Variants in ARL14EPL observed in about 807,000 individuals in gnomAD.
ARL14EPL encodes ARF like GTPase 14 effector protein like.
Under a neutral mutation model 15.9 loss-of-function variants are expected in ARL14EPL, and 17 were observed. That is an observed-to-expected ratio of 1.07 (90% CI 0.73 to 1.60). The LOEUF is 1.60. ARL14EPL is among the 40% of genes most tolerant of loss of function. The pLI, the probability that ARL14EPL is intolerant of heterozygous loss-of-function variation, is 0.00. For synonymous variants in ARL14EPL, 78 were observed against 63.8 expected, an observed-to-expected ratio of 1.22 and a Z score of -1.06; for missense variants, 214 against 185.9, an observed-to-expected ratio of 1.15 and a Z score of -0.88.
rs76513063 is a variant in ARL14EPL at position 116,058,950 on chromosome 5, G to C, written c.*3G>C. The C allele has an allele frequency of 1.5e-3, 2,366 of 1,535,582 alleles. 41 individuals carry two copies. In the African/African-American group the frequency reaches 0.028, roughly 18 times the overall value. ...TGCCGTTTAATGTTCCTGACTAGGT[G>C]CTCTTGTATATGGACTGATTTGTTT... On this transcript the variant is annotated 3_prime_UTR_variant, in exon 4 of 4. Transcript: ENST00000686077.
At chr5:116,034,394 CTT>C (rs1749011709) in intron 1 of ARL14EPL, among the ~76,000 whole-genome samples, 1 of 152,136 alleles carries the variant, frequency 6.6e-6, no homozygotes, top group Non-Finnish European at 1.5e-5. Flanking sequence ...TTTCTGATCA[CTT>C]AGCACTAGAG....
intron 1 of ARL14EPL, among the ~76,000 whole-genome samples, chr5:116,034,792 TTTTG>T (rs1308395332): frequency 1.3e-5 from 2 of 152,214 alleles, no homozygotes; most frequent in Non-Finnish European, 2.9e-5. Context: ...ACCAGACTAA[TTTTG>T]TTTGTTTGTT....
chr5:116,047,324 C>T (rs190221789), intron 1 of ARL14EPL, among the ~76,000 whole-genome samples: 150 of 152,284 alleles, frequency 9.9e-4, no homozygotes, highest in African/African-American at 3.5e-3. Flanking sequence ...TTTCCTATTC[C>T]TTCCCCAGGC....
chr5:116,052,128 T>C (rs1196647899), intron 2 of ARL14EPL: 2 of 1,612,470 alleles, frequency 1.2e-6, no homozygotes, highest in Admixed American at 3.3e-5. Flanking sequence ...TTGTCATAGG[T>C]AGCTTTGTCA....
At chr5:116,046,367 C>T (rs562155028) in intron 1 of ARL14EPL, among the ~76,000 whole-genome samples, 1 of 152,246 alleles carries the variant, frequency 6.6e-6, no homozygotes, top group African/African-American at 2.4e-5. Flanking sequence ...TCACTCTACC[C>T]CATGCAAGAC....
chr5:116,051,796 G>A, intron 2 of ARL14EPL: 1 of 784,048 alleles, frequency 1.3e-6, no homozygotes, highest in Non-Finnish European at 2.0e-6. Flanking sequence ...CCAGTGTTCT[G>A]TACAATAAAA....
intron 2 of ARL14EPL, among the ~76,000 whole-genome samples, chr5:116,052,778 A>G (rs531859386): frequency 7.9e-5 from 12 of 152,362 alleles, no homozygotes; most frequent in African/African-American, 2.6e-4. Flanking sequence ...AGAAAAGTCC[A>G]TGACATTCTG....
chr5:116,055,902 G>C (rs1413210715), intron 3 of ARL14EPL, among the ~76,000 whole-genome samples: 1 of 152,084 alleles, frequency 6.6e-6, no homozygotes, highest in East Asian at 1.9e-4. Context: ...GCGGTGTTTG[G>C]TTTTTAGTCC....
intron 3 of ARL14EPL, 71 bp downstream of exon 3, chr5:116,054,224 GAA>G (rs2112680468): frequency 7.3e-7 from 1 of 1,370,218 alleles, no homozygotes; most frequent in Non-Finnish European, 9.6e-7. Flanking sequence ...ACAAAGCAAT[GAA>G]AGATTCCCTC....
intron 1 of ARL14EPL, among the ~76,000 whole-genome samples, chr5:116,035,364 A>G (rs1487918213): frequency 6.6e-6 from 1 of 152,208 alleles, no homozygotes. Flanking sequence ...TCGTGGGGGT[A>G]CTGGGAGTCA....
At chr5:116,052,110 T>G (rs1293950304) in intron 2 of ARL14EPL, 1 of 1,612,958 alleles carries the variant, frequency 6.2e-7, no homozygotes, top group Non-Finnish European at 8.5e-7. Flanking sequence ...GGAACTTCCT[T>G]ACAGAGTTTG....
At chr5:116,033,205 C>T (rs186784772) in intron 1 of ARL14EPL, among the ~76,000 whole-genome samples, 277 of 152,252 alleles carry the variant, frequency 1.8e-3, no homozygotes, top group African/African-American at 6.2e-3. Flanking sequence ...CCCGACTTAC[C>T]GTGGTTTGAG....
At chr5:116,050,531 C>T (rs897621204) in intron 1 of ARL14EPL, among the ~76,000 whole-genome samples, 1 of 152,168 alleles carries the variant, frequency 6.6e-6, no homozygotes, top group South Asian at 2.1e-4. Context: ...AGATTTCCCA[C>T]TGATAGAATT....
intron 1 of ARL14EPL, among the ~76,000 whole-genome samples, chr5:116,046,465 A>G (rs943578330): frequency 2.6e-5 from 4 of 152,170 alleles, no homozygotes; most frequent in African/African-American, 4.8e-5. Context: ...TTTTGCCTGG[A>G]GTGTCGCTCA....
intron 1 of ARL14EPL, among the ~76,000 whole-genome samples, chr5:116,039,786 C>T (rs969863950): frequency 6.6e-6 from 1 of 152,096 alleles, no homozygotes; most frequent in African/African-American, 2.4e-5. Context: ...TAGATAATTA[C>T]AGATGCTGCA....
At chr5:116,035,156 GC>G (rs1245920616) in intron 1 of ARL14EPL, among the ~76,000 whole-genome samples, 1 of 152,152 alleles carries the variant, frequency 6.6e-6, no homozygotes, top group East Asian at 1.9e-4. Flanking sequence ...CTCTTTTACA[GC>G]TGCCTTAGAA....
rs138459014 is a variant in ARL14EPL, at chr5:116,037,316, A to T, written c.-10+4811A>T. The stretch of plus-strand genomic sequence containing the variant: ...AAGCCCTCTCCAGATGTGACACCGC[A>T]TTGACACACAGCTTGTCCACTTTTC... On this transcript the variant is annotated intron_variant, in intron 1 of 3. Coordinates refer to ENST00000686077, the MANE Select transcript of ARL14EPL (RefSeq NM_001195581.2). Among the ~76,000 whole-genome samples the T allele has an allele frequency of 2.0e-3, 304 of 152,352 alleles. 1 individual carries two copies. The highest frequency in any genetic ancestry group is 6.9e-3 in the African/African-American group (288 of 41,586).
chr5:116,039,693 A>C (rs1029449561), intron 1 of ARL14EPL, among the ~76,000 whole-genome samples: 2 of 152,188 alleles, frequency 1.3e-5, no homozygotes, highest in South Asian at 2.1e-4. Flanking sequence ...AGAAAAAAAA[A>C]CAAGAAAGCT....
intron 1 of ARL14EPL, among the ~76,000 whole-genome samples, chr5:116,050,833 A>ACACACACACG (rs1554078136): frequency 0.023 from 797 of 35,142 alleles, 9 homozygotes; most frequent in Non-Finnish European, 0.036. Context: ...ACACATGCAC[A>ACACACACACG]CACACACACA....
Sources: allele counts gnomAD v4.1 joint callset (sites outside exome capture counted in the v4.1 genomes callset), GRCh38; gene constraint gnomAD v4.1.1; transcripts MANE v1.5; gene names NCBI Gene and HGNC (gene_info 2026-07-23, HGNC 2026-07-21).